Variants in ADH1B observed in about 807,000 individuals in gnomAD.
ADH1B encodes alcohol dehydrogenase 1B (class I), beta polypeptide, also known as all-trans-retinol dehydrogenase [NAD(+)] ADH1B.
A neutral mutation model predicts 34.6 loss-of-function variants in ADH1B; 29 were observed. The ratio of observed to expected loss-of-function variants is 0.84; its 90% CI spans 0.62 to 1.14. The LOEUF (loss-of-function observed/expected upper bound fraction) is 1.14, where lower values mean the gene tolerates loss of function less well. ADH1B is among the 50% of genes most tolerant of loss of function. The probability of loss-of-function intolerance (pLI) is 0.00; values close to 1 mark genes in which losing one functional copy is unlikely to be tolerated. For missense variants in ADH1B, 424 were observed against 468.4 expected, an observed-to-expected ratio of 0.91 and a Z score of 0.87; for synonymous variants, 170 against 175.5, an observed-to-expected ratio of 0.97 and a Z score of 0.25.
chr4:99,308,160 C>T (rs1051615666), intron 8 of ADH1B, among the ~76,000 whole-genome samples: 2 of 151,924 alleles, frequency 1.3e-5, no homozygotes, highest in African/African-American at 2.4e-5. Flanking sequence ...TGTGTGCCCA[C>T]GTTCCTGGTA....
In ADH1B at chr4:99,318,822, TCCA is replaced by T. The variant is rs1485357233; in HGVS notation, c.80_82del (p.Val27del). 6.2e-7 allele frequency: 1 copy of T among 1,613,922 alleles called. No homozygotes were observed. Among genetic ancestry groups the T allele is most frequent in the Non-Finnish European group, 8.5e-7 (1 of 1,179,890 alleles). ...TTCATAAGCCTTAGGAGGTGCAACC[TCCA>T]CATCCTCAATGGAAAAGGGTTTCTT... is the stretch of plus-strand genomic sequence containing the variant. On this transcript the variant is annotated inframe_deletion, in exon 2 of 9. Coordinates refer to ENST00000305046, the MANE Select transcript of ADH1B (RefSeq NM_000668.6).
intron 8 of ADH1B, chr4:99,310,314 T>A: frequency 2.3e-6 from 1 of 443,626 alleles, no homozygotes; most frequent in South Asian, 1.7e-5. Flanking sequence ...ACAATCCCAA[T>A]GTAGTTCCAC....
At chr4:99,314,115 T>C (rs774743141) in intron 5 of ADH1B, 34 bp from the exon 6 acceptor site, 1 of 1,608,162 alleles carries the variant, frequency 6.2e-7, no homozygotes, top group South Asian at 1.1e-5. Flanking sequence ...ATAGATTAAG[T>C]GATGATTGTT....
Position 99,305,499 on chromosome 4 carries a change from TAC to T in ADH1B, c.*2339_*2340del, listed in dbSNP as rs1300403042. The T allele has an allele frequency of 1.4e-4, 5 of 35,070 alleles. No homozygotes were observed. Among genetic ancestry groups the T allele is most frequent in the African/African-American group, 6.0e-4 (5 of 8,322 alleles). 2.2% of individuals were successfully genotyped at this position (35,070 alleles called of 1,614,324 possible). On this transcript the variant is annotated 3_prime_UTR_variant, in exon 9 of 9. Transcript: ENST00000305046. ...CCAGCCAATACTTTCTACACTGGAA[TAC>T]ATATATATATATATATATATATACA...
At chr4:99,320,843 A>G (rs1302251536) in intron 1 of ADH1B, 1 of 1,237,764 alleles carries the variant, frequency 8.1e-7, no homozygotes, top group Non-Finnish European at 1.0e-6. Flanking sequence ...AAGATATTTT[A>G]TAGTAAGGTT....
chr4:99,307,554 T>C lies in ADH1B; in HGVS notation c.*286A>G. The C allele has an allele frequency of 6.7e-6, 3 of 446,896 alleles. No homozygotes were observed. Among genetic ancestry groups the C allele is most frequent in the South Asian group, 4.9e-5 (2 of 41,206 alleles). The allele number at this position is 446,896 out of a possible 1,614,324, so 27.7% of individuals were successfully genotyped here. On this transcript the variant is annotated 3_prime_UTR_variant, in exon 9 of 9. Transcript: ENST00000305046. ...AAAAATGCAAGAAGTCACAGGAATA[T>C]TTTTCCTCAATGGCAAAGGTGACAC...
intron 3 of ADH1B, chr4:99,317,135 T>C (rs1319572086): frequency 6.6e-6 from 1 of 152,204 alleles, no homozygotes; most frequent in Non-Finnish European, 1.5e-5. Flanking sequence ...CAGTTTAAAT[T>C]GGTATTTGGT....
rs56951572 is a variant in ADH1B at position 99,305,561 on chromosome 4, GTATATATATATATATATATA to G, written c.*2259_*2278del. On this transcript the variant is annotated 3_prime_UTR_variant, in exon 9 of 9. Coordinates refer to ENST00000305046, the MANE Select transcript of ADH1B (RefSeq NM_000668.6). ...CTATATGAACCACTTGCCCCATAGT[GTATATATATATATATATATA>G]TATATATATATATATATATATATAT... 5.7e-4 allele frequency: 28 copies of G among 49,406 alleles called. 2 individuals carry two copies. Among genetic ancestry groups the G allele is most frequent in the South Asian group, 1.7e-3 (2 of 1,210 alleles). 3.1% of individuals were successfully genotyped at this position (49,406 alleles called of 1,614,324 possible). A position where few individuals can be genotyped will look rare whatever the true frequency, so the allele number is the denominator to read the frequency against.
At chr4:99,311,995 G>A (rs1338024034) in intron 6 of ADH1B, among the ~76,000 whole-genome samples, 1 of 152,106 alleles carries the variant, frequency 6.6e-6, no homozygotes, top group South Asian at 2.1e-4. Context: ...TCCACTTGAC[G>A]GTCTCCCTCT....
chr4:99,319,312 CT>C (rs1388312311), intron 1 of ADH1B: 1 of 240,320 alleles, frequency 4.2e-6, no homozygotes, highest in Admixed American at 5.2e-5. Flanking sequence ...CAATTTTCTG[CT>C]TAGGCCAAAA....
At position 99,305,332 on chromosome 4, in the gene ADH1B, A is replaced by G. The variant is rs999399310; in HGVS notation, c.*2508T>C. On this transcript the variant is annotated 3_prime_UTR_variant, in exon 9 of 9. Transcript: ENST00000305046. ...CCCCCCACTTTATTTGTTTTCATAT[A>G]TCATGAGAAGTCAAAGAATCAAAGC... 1 of 150,134 alleles carries G rather than the reference A, an allele frequency of 6.7e-6. No homozygotes were observed. Among genetic ancestry groups the G allele is most frequent in the Non-Finnish European group, 1.5e-5 (1 of 67,710 alleles). The allele number at this position is 150,134 out of a possible 1,614,324, so 9.3% of individuals were successfully genotyped here.
rs184832741 is a variant in ADH1B, at chr4:99,312,189, T to G, written c.829-533A>C. 1.4e-3 allele frequency among the ~76,000 whole-genome samples: 208 copies of G among 152,312 alleles called. 1 individual carries two copies. Among genetic ancestry groups the G allele is most frequent in the African/African-American group, 4.9e-3 (202 of 41,558 alleles). On this transcript the variant is annotated intron_variant, in intron 6 of 8. Coordinates refer to ENST00000305046, the MANE Select transcript of ADH1B (RefSeq NM_000668.6). ...AACATGTTCTGTAGTTAGAAAATGGTTAAAGATCCCCGTAGGAATATAATG... is the reference window on the plus strand; with the variant it reads ...AACATGTTCTGTAGTTAGAAAATGGGTAAAGATCCCCGTAGGAATATAATG...
chr4:99,311,555 C>A lies in ADH1B; in HGVS notation c.930G>T (p.Leu310=). 1 of 1,614,044 alleles carries A rather than the reference C, an allele frequency of 6.2e-7. No homozygotes were observed. The highest frequency in any genetic ancestry group is 1.3e-5 in the African/African-American group (1 of 75,024). ...CAGCCCCCTTCCAGGTGCGTCCAGT[C>A]AGTAGCAGCATAGGGTTTATTGAGA... ...QNLSINPMLL[L]TGRTWKGAVY... Residue 310 remains leucine, a synonymous_variant, in exon 7 of 9, where the codon CTG becomes CTT. Transcript: ENST00000305046.
chr4:99,311,648 G>C lies in ADH1B; in HGVS notation c.837C>G (p.Ser279=). 7 of 1,613,526 alleles carry C rather than the reference G, an allele frequency of 4.3e-6. 1 individual carries two copies. In the South Asian group the frequency reaches 7.7e-5, roughly 18 times the overall value. The stretch of plus-strand genomic sequence containing the variant: ...CACATGCCTCATGACAACATAACAG[G>C]GAAGCCATCTGGAATAAAGTGAATA... The part of the protein sequence containing the change: ...VIGRLDTMMA[S]LLCCHEACGT... Residue 279 remains serine (S), a synonymous_variant, in exon 7 of 9, where the codon TCC becomes TCG. Coordinates refer to ENST00000305046, the MANE Select transcript of ADH1B (RefSeq NM_000668.6).
At chr4:99,319,048 T>A in intron 1 of ADH1B, 162 bp from the exon 2 acceptor site, 1 of 842,264 alleles carries the variant, frequency 1.2e-6, no homozygotes, top group South Asian at 1.4e-5. Context: ...AATAAAAGTA[T>A]CTTTTAAAAA....
rs1324477567 is a variant in ADH1B, at chr4:99,306,928, T to C, written c.*912A>G. ...TGTGCCATTTCTTAGTTACCAATTT[T>C]ACATTCTGCATTCACAGCATTTGCC... On this transcript the variant is annotated 3_prime_UTR_variant, in exon 9 of 9. Transcript: ENST00000305046. 6.6e-6 allele frequency: 1 copy of C among 152,222 alleles called. No homozygotes were observed. The highest frequency in any genetic ancestry group is 1.5e-5 in the Non-Finnish European group (1 of 68,040). The allele number at this position is 152,222 out of a possible 1,614,324, so 9.4% of individuals were successfully genotyped here.
Position 99,307,712 on chromosome 4 carries a change from G to T in ADH1B, c.*128C>A. The T allele has an allele frequency of 9.1e-7, 1 of 1,097,138 alleles. No individual in the cohort carries two copies. The highest frequency in any genetic ancestry group is 1.3e-6 in the Non-Finnish European group (1 of 748,178). The allele number at this position is 1,097,138 out of a possible 1,614,324, so 68.0% of individuals were successfully genotyped here. On this transcript the variant is annotated 3_prime_UTR_variant, in exon 9 of 9. Coordinates refer to ENST00000305046, the MANE Select transcript of ADH1B (RefSeq NM_000668.6). ...CCATCAATTTCCATTTCTTTGGAAA[G>T]CCCCCATGTGTAATTTATTGATAAC...
At chr4:99,315,753 C>G in intron 5 of ADH1B, 145 bp downstream of exon 5, 2 of 931,488 alleles carry the variant, frequency 2.1e-6, no homozygotes, top group Non-Finnish European at 3.2e-6. Context: ...AGCATGTGTA[C>G]TCAATTCTTT....
rs1355846530 is a variant in ADH1B at position 99,321,308 on chromosome 4, G to A, written c.18+6C>T. 6.2e-7 allele frequency: 1 copy of A among 1,607,716 alleles called. No homozygotes were observed. Among genetic ancestry groups the A allele is most frequent in the African/African-American group, 1.3e-5 (1 of 74,562 alleles). On this transcript the variant is annotated splice_donor_region_variant and intron_variant, in intron 1 of 8. Coordinates refer to ENST00000305046, the MANE Select transcript of ADH1B (RefSeq NM_000668.6). ...TATTACCAACAGTAATATATTTTTT[G>A]CTTACTTTTCCTGCTGTGCTCATGT...
Sources: gnomAD v4.1 joint callset for allele counts (sites outside exome capture counted in the v4.1 genomes callset) on GRCh38, gnomAD v4.1.1 for gene constraint, MANE v1.5 for transcripts, NCBI Gene and HGNC (gene_info 2026-07-23, HGNC 2026-07-21) for gene names.